DMRT1: variants seen among roughly 807,000 people sequenced by gnomAD.
DMRT1 encodes the protein doublesex and mab-3 related transcription factor 1, also known as doublesex- and mab-3-related transcription factor 1.
Under a neutral mutation model 32.3 loss-of-function variants are expected in DMRT1, and 7 were observed. The ratio of observed to expected loss-of-function variants is 0.22; its 90% confidence interval spans 0.12 to 0.41. DMRT1 has a LOEUF of 0.41. DMRT1 is among the 10% of genes least tolerant of loss of function. The probability of loss-of-function intolerance (pLI) is 1.00; values close to 1 mark genes in which losing one functional copy is unlikely to be tolerated. For missense variants in DMRT1, 625 were observed against 500.5 expected, an observed-to-expected ratio of 1.25 and a Z score of -2.37; for synonymous variants, 278 against 206.1, an observed-to-expected ratio of 1.35 and a Z score of -2.99.
intron 4 of DMRT1, among the ~76,000 whole-genome samples, chr9:962,219 G>A (rs564817198): frequency 1.3e-5 from 2 of 152,164 alleles, no homozygotes; most frequent in East Asian, 1.9e-4. Flanking sequence ...TCAGCCCCTC[G>A]TGTGCACGCT....
intron 2 of DMRT1, among the ~76,000 whole-genome samples, chr9:866,174 A>AAAAG (rs1815976545): frequency 6.6e-6 from 1 of 150,954 alleles, no homozygotes; most frequent in Non-Finnish European, 1.5e-5. Flanking sequence ...AAAAAAAAAA[A>AAAAG]AAAAAAAAAA....
chr9:869,400 C>A (rs182115321), intron 2 of DMRT1, among the ~76,000 whole-genome samples: 7 of 152,344 alleles, frequency 4.6e-5, no homozygotes, highest in African/African-American at 1.7e-4. Context: ...GTTCTCCTAG[C>A]TGTTCTCCGT....
Position 894,090 on chromosome 9 carries a change from T to C in DMRT1, c.717T>C (p.Ser239=), listed in dbSNP as rs780304463. The part of the protein sequence containing the change: ...PQYSMALAAD[S]ASGEVGNPLG... ...ACTCCATGGCCTTGGCTGCTGATTC[T>C]GCTTCTGGGGAGGTGGGAAATCCCC... The change falls in exon 3 of 5, where the codon TCT becomes TCC. Residue 239 remains serine, a synonymous_variant. Transcript: ENST00000382276. The C allele has an allele frequency of 2.1e-5, 34 of 1,614,156 alleles. No individual in the cohort carries two copies. The highest frequency in any genetic ancestry group is 2.8e-5 in the Non-Finnish European group (33 of 1,180,060).
intron 3 of DMRT1, among the ~76,000 whole-genome samples, chr9:905,488 C>CTGTGTGTGTGTGTGTGTG (rs57056050): frequency 1.5e-3 from 224 of 147,822 alleles, no homozygotes; most frequent in African/African-American, 5.4e-3. Context: ...GTGTGTGTGT[C>CTGTGTGTGTGTGTGTGTG]TGTGTGTGTG....
intron 1 of DMRT1, among the ~76,000 whole-genome samples, chr9:845,093 G>C (rs1440355160): frequency 1.3e-5 from 2 of 152,182 alleles, no homozygotes; most frequent in Non-Finnish European, 2.9e-5. Flanking sequence ...TGCGGTGTGG[G>C]TGCTTCACTG....
At chr9:846,160 T>G (rs532947151) in intron 1 of DMRT1, among the ~76,000 whole-genome samples, 6 of 151,546 alleles carry the variant, frequency 4.0e-5, no homozygotes, top group Non-Finnish European at 8.8e-5. Context: ...GCCTCCCGAG[T>G]AGCTGGGACT....
intron 2 of DMRT1, among the ~76,000 whole-genome samples, chr9:873,486 C>CT (rs111419496): frequency 7.6e-4 from 109 of 142,594 alleles, no homozygotes; most frequent in South Asian, 4.5e-3. Flanking sequence ...TTTGTATTTT[C>CT]TTTTTTTTTT....
At chr9:918,864 T>C (rs962058882) in intron 4 of DMRT1, among the ~76,000 whole-genome samples, 22 of 152,212 alleles carry the variant, frequency 1.4e-4, no homozygotes, top group African/African-American at 5.3e-4. Flanking sequence ...TTTTTTTATA[T>C]TGCATGAATT....
rs551860805 is a variant in DMRT1, at chr9:916,754, C to CT, written c.823-7dup. 188 of 1,613,940 alleles carry CT rather than the reference C, an allele frequency of 1.2e-4. 1 individual carries two copies. The East Asian group carries it at 2.3e-3, about 20-fold the overall frequency. ...GATCTCAGTATATTTCTTCTTTTTTCTTAAGCAGATGAAGAACATGGAGAA... is the reference window on the plus strand; with the variant it reads ...GATCTCAGTATATTTCTTCTTTTTTCTTTAAGCAGATGAAGAACATGGAGAA... On this transcript the variant is annotated splice_polypyrimidine_tract_variant and intron_variant, in intron 3 of 4. Transcript: ENST00000382276.
intron 2 of DMRT1, among the ~76,000 whole-genome samples, chr9:861,449 T>G (rs918942318): frequency 6.6e-6 from 1 of 152,026 alleles, no homozygotes; most frequent in South Asian, 2.1e-4. Context: ...CAAAATGGAG[T>G]CTCCTATGTC....
At chr9:926,533 T>C (rs1021491459) in intron 4 of DMRT1, among the ~76,000 whole-genome samples, 3 of 152,246 alleles carry the variant, frequency 2.0e-5, no homozygotes, top group African/African-American at 7.2e-5. Flanking sequence ...TTGAGGAAGA[T>C]GTTATTTAAT....
At chr9:933,458 A>C (rs1024348410) in intron 4 of DMRT1, among the ~76,000 whole-genome samples, 8 of 152,208 alleles carry the variant, frequency 5.3e-5, no homozygotes, top group Admixed American at 3.3e-4. Context: ...TATTTTATCC[A>C]TAAGCCGATG....
intron 2 of DMRT1, among the ~76,000 whole-genome samples, chr9:858,282 C>G (rs1024382948): frequency 2.0e-5 from 3 of 152,134 alleles, no homozygotes; most frequent in African/African-American, 7.2e-5. Context: ...GGTGGTGACA[C>G]TAGGTATTGT....
At chr9:914,778 G>C (rs1185045687) in intron 3 of DMRT1, among the ~76,000 whole-genome samples, 1 of 152,094 alleles carries the variant, frequency 6.6e-6, no homozygotes, top group Non-Finnish European at 1.5e-5. Flanking sequence ...ATCCACTCAT[G>C]AGAACATAGA....
intron 4 of DMRT1, among the ~76,000 whole-genome samples, chr9:936,156 G>C (rs1564262753): frequency 6.6e-6 from 1 of 152,148 alleles, no homozygotes; most frequent in Non-Finnish European, 1.5e-5. Flanking sequence ...TCTTTGGATT[G>C]CTTGTCTCCA....
chr9:915,883 C>T (rs1368104545), intron 3 of DMRT1, among the ~76,000 whole-genome samples: 1 of 152,048 alleles, frequency 6.6e-6, no homozygotes, highest in East Asian at 1.9e-4. Flanking sequence ...CAGGTGCCCG[C>T]CACCACGTCT....
At chr9:913,200 C>T (rs1476039237) in intron 3 of DMRT1, among the ~76,000 whole-genome samples, 1 of 152,142 alleles carries the variant, frequency 6.6e-6, no homozygotes, top group Admixed American at 6.5e-5. Flanking sequence ...TTCTTGTACC[C>T]TGGCAAAATT....
intron 4 of DMRT1, among the ~76,000 whole-genome samples, chr9:956,353 A>C (rs1819599139): frequency 6.6e-6 from 1 of 152,174 alleles, no homozygotes; most frequent in South Asian, 2.1e-4. Flanking sequence ...GGATGGTGGC[A>C]GTGGTTGTGA....
At chr9:880,727 A>G (rs908852389) in intron 2 of DMRT1, among the ~76,000 whole-genome samples, 38 of 144,936 alleles carry the variant, frequency 2.6e-4, no homozygotes, top group Non-Finnish European at 1.5e-4. Context: ...TCAGTCTCAA[A>G]AAAAAAAAAA....
Sources: allele counts gnomAD v4.1 joint callset (sites outside exome capture counted in the v4.1 genomes callset), GRCh38; gene constraint gnomAD v4.1.1; transcripts MANE v1.5; gene names NCBI Gene and HGNC (gene_info 2026-07-23, HGNC 2026-07-21).